CRK: variants seen among roughly 807,000 people sequenced by gnomAD.
The protein encoded by CRK is CRK proto-oncogene, adaptor protein, also known as adapter molecule crk.
In CRK, 4 loss-of-function variants were observed where a neutral mutation model predicts 29.8. The ratio of observed to expected loss-of-function variants is 0.13; its 90% CI spans 0.07 to 0.31. The LOEUF (loss-of-function observed/expected upper bound fraction) is 0.31, where lower values mean the gene tolerates loss of function less well. CRK is among the 10% of genes least tolerant of loss of function. CRK has a pLI of 1.00. For synonymous variants in CRK, 153 were observed against 164.9 expected (o/e 0.93, Z 0.55); for missense variants, 274 against 396.5 (o/e 0.69, Z 2.62).
At chr17:1,430,648 A>G (rs1338931723) in intron 2 of CRK, among the ~76,000 whole-genome samples, 1 of 147,412 alleles carries the variant, frequency 6.8e-6, no homozygotes, top group Middle Eastern at 3.2e-3. Context: ...TACAGGCGTG[A>G]GCCACCACAC....
At chr17:1,428,739 G>C (rs1298250834) in intron 2 of CRK, among the ~76,000 whole-genome samples, 2 of 151,232 alleles carry the variant, frequency 1.3e-5, no homozygotes, top group Non-Finnish European at 2.9e-5. Context: ...GGCCAGGCTG[G>C]TCTTGAACTC....
At chr17:1,438,649 A>G (rs922362238) in intron 1 of CRK, among the ~76,000 whole-genome samples, 15 of 152,118 alleles carry the variant, frequency 9.9e-5, no homozygotes, top group African/African-American at 3.4e-4. Context: ...AACACTCAAC[A>G]TCTGATAACA....
intron 1 of CRK, 37 bp from the exon 2 acceptor site, chr17:1,437,192 A>G (rs760956850): frequency 2.0e-6 from 3 of 1,529,250 alleles, no homozygotes; most frequent in African/African-American, 1.4e-5. Context: ...TTAATGATGT[A>G]CTACACTGGA....
In CRK at chr17:1,423,668, G is replaced by A. The variant is rs550158637; in HGVS notation, c.778-18C>T. 1.2e-6 allele frequency: 2 copies of A among 1,612,894 alleles called. No individual in the cohort carries two copies. The highest frequency in any genetic ancestry group is 1.7e-6 in the Non-Finnish European group (2 of 1,179,280). On this transcript the variant is annotated intron_variant, in intron 2 of 2. Transcript: ENST00000300574. ...TCACCGACCTGCAGGAGGAGAATAA[G>A]GAGAGCACTTTATTTCCAGGTAGGA... is the stretch of plus-strand genomic sequence containing the variant.
Position 1,442,592 on chromosome 17 carries a change from G to A in CRK, c.242-5437C>T, listed in dbSNP as rs141862143. Among the ~76,000 whole-genome samples, 932 of 146,640 alleles carry A rather than the reference G, an allele frequency of 6.4e-3. 8 individuals carry two copies. The highest frequency in any genetic ancestry group is 9.6e-3 in the Non-Finnish European group (645 of 66,998). On this transcript the variant is annotated intron_variant, in intron 1 of 2. Coordinates refer to ENST00000300574, the MANE Select transcript of CRK (RefSeq NM_016823.4). ...TTATTTGCTTATTGGGATTTTTCTT[G>A]TGTGTGAAAGGGTCTTTTTTTTTTT...
At chr17:1,424,173 T>C (rs1457623908) in intron 2 of CRK, among the ~76,000 whole-genome samples, 93 of 149,088 alleles carry the variant, frequency 6.2e-4, no homozygotes, top group Non-Finnish European at 4.4e-5. Context: ...TTCGAGCAAT[T>C]TTCCTGCCAC....
At chr17:1,447,632 G>A (rs1166701009) in intron 1 of CRK, among the ~76,000 whole-genome samples, 3 of 132,710 alleles carry the variant, frequency 2.3e-5, no homozygotes, top group South Asian at 2.5e-4. Flanking sequence ...TTTTTGAGAC[G>A]GAGTCTCCCT....
Position 1,436,820 on chromosome 17 carries a change from C to G in CRK, c.577G>C (p.Ala193Pro). 4 of 1,582,102 alleles carry G rather than the reference C, an allele frequency of 2.5e-6. No individual in the cohort carries two copies. The highest frequency in any genetic ancestry group is 3.4e-6 in the Non-Finnish European group (4 of 1,164,278). Residue 193 changes from alanine (A) to proline (P), a missense_variant, in exon 2 of 3, where the codon GCC (alanine) becomes CCC (proline). Physicochemically the swap from Ala to Pro is conservative, Grantham distance 27. Transcript: ENST00000300574. ...ATCAGAGCCGATACTGAGGCGGAGGCAGGTCTATACTTCTCGACGTAAGGG... is the reference window on the plus strand; with the variant it reads ...ATCAGAGCCGATACTGAGGCGGAGGGAGGTCTATACTTCTCGACGTAAGGG... The part of the protein sequence containing the change: ...PVPYVEKYRP[A>P]SASVSALIGG...
chr17:1,451,481 C>T (rs180843806), intron 1 of CRK, among the ~76,000 whole-genome samples: 120 of 151,968 alleles, frequency 7.9e-4, no homozygotes, highest in Admixed American at 1.4e-3. Flanking sequence ...ATCCACCCTC[C>T]TTGGCCTCTC....
At chr17:1,427,030 CAAAAAAAAAA>C (rs562515421) in intron 2 of CRK, among the ~76,000 whole-genome samples, 1 of 35,290 alleles carries the variant, frequency 2.8e-5, no homozygotes, top group East Asian at 1.3e-3. Flanking sequence ...AAACTGTCTC[CAAAAAAAAAA>C]AAAAAAAAAA....
At chr17:1,441,839 T>C (rs2073937490) in intron 1 of CRK, among the ~76,000 whole-genome samples, 1 of 151,446 alleles carries the variant, frequency 6.6e-6, no homozygotes, top group South Asian at 2.1e-4. Context: ...GTGTCTTGCT[T>C]TACTGCCCAG....
intron 2 of CRK, among the ~76,000 whole-genome samples, chr17:1,435,071 T>G (rs1325487870): frequency 6.6e-6 from 1 of 152,128 alleles, no homozygotes; most frequent in African/African-American, 2.4e-5. Flanking sequence ...TTTCTTTTTC[T>G]TTTTTTGAGA....
chr17:1,432,706 G>A (rs1371416311), intron 2 of CRK, among the ~76,000 whole-genome samples: 2 of 151,102 alleles, frequency 1.3e-5, no homozygotes, highest in South Asian at 2.1e-4. Flanking sequence ...GAGCCCAGGA[G>A]GCGGAGCTTG....
Position 1,422,723 on chromosome 17 carries a change from C to T in CRK, c.*790G>A. On this transcript the variant is annotated 3_prime_UTR_variant, in exon 3 of 3. Coordinates refer to ENST00000300574, the MANE Select transcript of CRK (RefSeq NM_016823.4). ...CTAGTTAGCTGCTGTAGAAGGGTGACCTACTACGACCCTTTTGGGGAAGGC... is the reference window on the plus strand; with the variant it reads ...CTAGTTAGCTGCTGTAGAAGGGTGATCTACTACGACCCTTTTGGGGAAGGC... The T allele has an allele frequency of 5.2e-6, 2 of 384,310 alleles. No homozygotes were observed. The highest frequency in any genetic ancestry group is 9.2e-6 in the Non-Finnish European group (2 of 217,254). 23.8% of individuals were successfully genotyped at this position (384,310 alleles called of 1,614,324 possible).
chr17:1,441,430 G>A (rs1341324207), intron 1 of CRK, among the ~76,000 whole-genome samples: 2 of 152,284 alleles, frequency 1.3e-5, no homozygotes, highest in East Asian at 3.9e-4. Flanking sequence ...CTGGGCTCAA[G>A]ATATTCTCCC....
At position 1,422,591 on chromosome 17, in the gene CRK, T is replaced by C. The variant is rs1183280348; in HGVS notation, c.*922A>G. On this transcript the variant is annotated 3_prime_UTR_variant, in exon 3 of 3. Coordinates refer to ENST00000300574, the MANE Select transcript of CRK (RefSeq NM_016823.4). ...AAAACCTTCCACAGAATATCAGAGG[T>C]GATTGGTCCTTCCACTCTTGAGTAG... The C allele has an allele frequency of 4.7e-6, 1 of 214,056 alleles. No individual in the cohort carries two copies. The highest frequency in any genetic ancestry group is 2.3e-5 in the African/African-American group (1 of 43,832). The allele number at this position is 214,056 out of a possible 1,614,324, so 13.3% of individuals were successfully genotyped here.
At chr17:1,437,943 G>A (rs969936835) in intron 1 of CRK, among the ~76,000 whole-genome samples, 6 of 151,638 alleles carry the variant, frequency 4.0e-5, no homozygotes, top group African/African-American at 1.5e-4. Flanking sequence ...TGGGATTACA[G>A]GTGTGAGCTA....
intron 1 of CRK, among the ~76,000 whole-genome samples, chr17:1,442,950 C>T (rs922631539): frequency 6.7e-6 from 1 of 149,798 alleles, no homozygotes; most frequent in Non-Finnish European, 1.5e-5. Flanking sequence ...AGTGCAGTGG[C>T]GCAAACTCAG....
At chr17:1,425,871 C>G (rs1384885929) in intron 2 of CRK, among the ~76,000 whole-genome samples, 1 of 152,098 alleles carries the variant, frequency 6.6e-6, no homozygotes, top group African/African-American at 2.4e-5. Flanking sequence ...GATAGAGAGA[C>G]ACATAAGACA....
Sources: gnomAD v4.1 joint callset for allele counts (sites outside exome capture counted in the v4.1 genomes callset) on GRCh38, gnomAD v4.1.1 for gene constraint, MANE v1.5 for transcripts, NCBI Gene and HGNC (gene_info 2026-07-23, HGNC 2026-07-21) for gene names.